ENOX1: variants seen among roughly 807,000 people sequenced by gnomAD.
ENOX1 encodes the protein candidate growth-related and time keeping constitutive hydroquinone (NADH) oxidase.
ENOX1 carries 42 observed loss-of-function variants against 82.5 expected under a neutral mutation model. That is an observed-to-expected ratio of 0.51 (90% CI 0.40 to 0.66). The LOEUF (loss-of-function observed/expected upper bound fraction) is 0.66, where lower values mean the gene tolerates loss of function less well. Ranked by LOEUF, ENOX1 falls within the 30% of genes least tolerant of loss-of-function variation. The pLI, the probability that ENOX1 is intolerant of heterozygous loss-of-function variation, is 0.00. For missense variants in ENOX1, 608 were observed against 811.6 expected, an observed-to-expected ratio of 0.75 and a Z score of 3.05; for synonymous variants, 271 against 282.2, an observed-to-expected ratio of 0.96 and a Z score of 0.40.
chr13:43,293,129 C>T (rs1312603822), intron 12 of ENOX1, among the ~76,000 whole-genome samples: 1 of 152,062 alleles, frequency 6.6e-6, no homozygotes, highest in Admixed American at 6.6e-5. Context: ...ATTTTCACTA[C>T]CATAGCCACC....
intron 1 of ENOX1, among the ~76,000 whole-genome samples, chr13:43,682,974 T>C (rs894817623): frequency 5.3e-5 from 8 of 152,028 alleles, no homozygotes; most frequent in African/African-American, 1.7e-4. Flanking sequence ...AAACTTTGGG[T>C]TTTTAATATA....
chr13:43,538,648 T>C (rs917520479), intron 2 of ENOX1, among the ~76,000 whole-genome samples: 2 of 152,228 alleles, frequency 1.3e-5, no homozygotes, highest in South Asian at 4.1e-4. Flanking sequence ...ATTTTGTACT[T>C]ATTTGACATA....
In ENOX1 at chr13:43,581,044, G is replaced by A. The variant is rs117783651; in HGVS notation, c.-219+86435C>T. ...AGAGCTAGTTTATTTGCTATACCTT[G>A]TATTCTCTTATACCTAAACATAGAG... On this transcript the variant is annotated intron_variant, in intron 2 of 16. Transcript: ENST00000690772. 4.8e-5 allele frequency among the ~76,000 whole-genome samples: 7 copies of A among 145,700 alleles called. No homozygotes were observed. In the East Asian group the frequency reaches 1.5e-3, roughly 30 times the overall value.
At chr13:43,285,843 C>A (rs1024405964) in intron 12 of ENOX1, among the ~76,000 whole-genome samples, 8 of 149,790 alleles carry the variant, frequency 5.3e-5, no homozygotes, top group Admixed American at 4.0e-4. Context: ...GAGGAATTCC[C>A]CCCTCTTCTT....
chr13:43,222,983 T>A (rs2041865699), intron 16 of ENOX1, among the ~76,000 whole-genome samples: 1 of 152,238 alleles, frequency 6.6e-6, no homozygotes, highest in African/African-American at 2.4e-5. Context: ...GAAATCTGTA[T>A]GACTGAAAAG....
At chr13:43,422,215 G>A (rs2055020100) in intron 3 of ENOX1, among the ~76,000 whole-genome samples, 1 of 152,076 alleles carries the variant, frequency 6.6e-6, no homozygotes, top group Admixed American at 6.6e-5. Flanking sequence ...CACCTCCCTG[G>A]CAACCAATGT....
chr13:43,736,492 A>C (rs1392165142), intron 1 of ENOX1, among the ~76,000 whole-genome samples: 1 of 129,650 alleles, frequency 7.7e-6, no homozygotes, highest in Admixed American at 7.3e-5. Flanking sequence ...GCCATTTTCA[A>C]ATTGCACAGA....
chr13:43,263,145 C>T (rs934609656), intron 14 of ENOX1, among the ~76,000 whole-genome samples: 1 of 152,144 alleles, frequency 6.6e-6, no homozygotes, highest in Non-Finnish European at 1.5e-5. Context: ...GGGGAAACTT[C>T]CAAAAGGAGA....
intron 15 of ENOX1, among the ~76,000 whole-genome samples, chr13:43,228,666 C>A (rs1450214908): frequency 6.6e-6 from 1 of 152,154 alleles, no homozygotes; most frequent in East Asian, 1.9e-4. Flanking sequence ...CCAAATAGTG[C>A]CAGATTTGTA....
At position 43,528,301 on chromosome 13, in the gene ENOX1, G is replaced by A. The variant is rs1481550701; in HGVS notation, c.-218-44149C>T. Among the ~76,000 whole-genome samples, 10 of 152,026 alleles carry A rather than the reference G, an allele frequency of 6.6e-5. 1 individual carries two copies. The highest frequency in any genetic ancestry group is 6.6e-4 in the Admixed American group (10 of 15,230). ...CCTCCAGTCCTACCCTATGTACAAC[G>A]TGCCCCCAGCATATACCCTTTGTAT... On this transcript the variant is annotated intron_variant, in intron 2 of 16. Transcript: ENST00000690772.
chr13:43,654,112 T>A (rs1434713130), intron 2 of ENOX1, among the ~76,000 whole-genome samples: 2 of 152,156 alleles, frequency 1.3e-5, no homozygotes, highest in Non-Finnish European at 2.9e-5. Context: ...ATAGATGGGA[T>A]TAACATCTAT....
intron 11 of ENOX1, among the ~76,000 whole-genome samples, chr13:43,316,651 C>G (rs1418312081): frequency 1.3e-5 from 2 of 150,996 alleles, no homozygotes; most frequent in Non-Finnish European, 2.9e-5. Flanking sequence ...AAATTCTACA[C>G]TTTTCAGAAG....
intron 1 of ENOX1, among the ~76,000 whole-genome samples, chr13:43,692,945 T>C (rs1408855803): frequency 6.6e-6 from 1 of 152,158 alleles, no homozygotes; most frequent in Non-Finnish European, 1.5e-5. Context: ...TCTTAAATTA[T>C]AGTAGCTCTT....
chr13:43,420,927 T>C (rs1424882311), intron 3 of ENOX1, among the ~76,000 whole-genome samples: 1 of 152,184 alleles, frequency 6.6e-6, no homozygotes, highest in African/African-American at 2.4e-5. Flanking sequence ...TGATTATTTG[T>C]TAATGATCAA....
At chr13:43,499,525 C>T (rs185470047) in intron 2 of ENOX1, among the ~76,000 whole-genome samples, 54 of 152,174 alleles carry the variant, frequency 3.5e-4, no homozygotes, top group East Asian at 2.1e-3. Context: ...TGACACCCGG[C>T]CCACCCACAG....
At chr13:43,256,136 A>G (rs934774857) in intron 14 of ENOX1, among the ~76,000 whole-genome samples, 1 of 152,178 alleles carries the variant, frequency 6.6e-6, no homozygotes, top group Non-Finnish European at 1.5e-5. Context: ...CTCTCTCACC[A>G]TGTATGAAAA....
rs531667302 is a variant in ENOX1, at chr13:43,742,024, C to G, written c.-285+44628G>C. Among the ~76,000 whole-genome samples the G allele has an allele frequency of 2.6e-5, 4 of 152,272 alleles. No individual in the cohort carries two copies. The South Asian group carries it at 6.2e-4, about 24-fold the overall frequency. ...CTTTCTCACATTGAATTACCTTGCA[C>G]TCTTATAAAACTAAATTACATTTTA... On this transcript the variant is annotated intron_variant, in intron 1 of 16. Transcript: ENST00000690772.
At chr13:43,388,295 G>A (rs1323153) in intron 5 of ENOX1, among the ~76,000 whole-genome samples, 149,365 of 152,298 alleles carry the variant, frequency 0.98, 73,319 homozygotes, top group East Asian at 1. Flanking sequence ...GATACCCAAC[G>A]AGCAAATCAG....
chr13:43,753,475 T>C (rs112445523), intron 1 of ENOX1, among the ~76,000 whole-genome samples: 2 of 152,164 alleles, frequency 1.3e-5, no homozygotes, highest in Non-Finnish European at 2.9e-5. Flanking sequence ...TGCTGGTATA[T>C]AGTAACACAA....
Sources: allele counts gnomAD v4.1 joint callset (sites outside exome capture counted in the v4.1 genomes callset), GRCh38; gene constraint gnomAD v4.1.1; transcripts MANE v1.5; gene names NCBI Gene and HGNC (gene_info 2026-07-23, HGNC 2026-07-21).